The following ACER3 variants were observed in gnomAD, a reference collection of about 807,000 sequenced individuals.
ACER3 encodes the protein alkCDase 3.
In ACER3, 16 loss-of-function variants were observed where a neutral mutation model predicts 48.9. The observed-to-expected ratio is 0.33, with a 90% CI of 0.22 to 0.50. The LOEUF (loss-of-function observed/expected upper bound fraction) is 0.50, where lower values mean the gene tolerates loss of function less well. Ranked by LOEUF, ACER3 falls within the 20% of genes least tolerant of loss-of-function variation. The pLI is 0.98. For synonymous variants in ACER3, 109 were observed against 107.8 expected, an observed-to-expected ratio of 1.01 and a Z score of -0.07; for missense variants, 227 against 326.0, an observed-to-expected ratio of 0.70 and a Z score of 2.34.
At chr11:76,988,294 T>C (rs1233556033) in intron 5 of ACER3, among the ~76,000 whole-genome samples, 2 of 152,210 alleles carry the variant, frequency 1.3e-5, no homozygotes, top group Non-Finnish European at 1.5e-5. Context: ...TATTTACTTG[T>C]TTCCACATTA....
chr11:76,900,251 A>G (rs960534071), intron 1 of ACER3, among the ~76,000 whole-genome samples: 2 of 152,172 alleles, frequency 1.3e-5, no homozygotes, highest in Non-Finnish European at 1.5e-5. Flanking sequence ...ATCATTTCAC[A>G]TTGAGTAAGC....
chr11:76,957,015 A>G (rs1947857973), intron 2 of ACER3, among the ~76,000 whole-genome samples: 1 of 152,176 alleles, frequency 6.6e-6, no homozygotes, highest in African/African-American at 2.4e-5. Flanking sequence ...TTGTTGGGCT[A>G]AGTCCTATGT....
intron 3 of ACER3, among the ~76,000 whole-genome samples, chr11:76,968,680 C>T (rs895779214): frequency 5.3e-5 from 8 of 152,140 alleles, no homozygotes; most frequent in African/African-American, 1.4e-4. Flanking sequence ...CTGAGAAAAA[C>T]AAGAAATGGG....
At chr11:76,963,459 A>C (rs991374448) in intron 3 of ACER3, among the ~76,000 whole-genome samples, 1 of 120,978 alleles carries the variant, frequency 8.3e-6, no homozygotes, top group African/African-American at 2.7e-5. Context: ...TGAGACCACA[A>C]GCTCGGATAA....
chr11:76,993,483 T>A (rs1415695503), intron 6 of ACER3, among the ~76,000 whole-genome samples: 1 of 152,216 alleles, frequency 6.6e-6, no homozygotes, highest in Non-Finnish European at 1.5e-5. Context: ...TATATAAGTC[T>A]TGCGATAAAT....
In ACER3 at chr11:77,022,909, A is replaced by G. The variant is rs1157684919; in HGVS notation, c.*2582A>G. ...AAAAAAAAAGAAAAGAAAAGAAAAT[A>G]TAAGGATGTAAAAGAAGCAATTTGC... On this transcript the variant is annotated 3_prime_UTR_variant, in exon 11 of 11. Transcript: ENST00000532485. 2 of 373,430 alleles carry G rather than the reference A, an allele frequency of 5.4e-6. No individual in the cohort carries two copies. The highest frequency in any genetic ancestry group is 9.5e-6 in the Non-Finnish European group (2 of 211,090). The allele number at this position is 373,430 out of a possible 1,614,324, so 23.1% of individuals were successfully genotyped here.
intron 6 of ACER3, chr11:76,994,251 AC>A (rs1482448027): frequency 2.2e-6 from 1 of 448,298 alleles, no homozygotes; most frequent in Non-Finnish European, 4.4e-6. Flanking sequence ...TGCCTCAGCC[AC>A]CCAGGTAGCT....
intron 4 of ACER3, among the ~76,000 whole-genome samples, chr11:76,977,295 G>A (rs1313042826): frequency 6.6e-6 from 1 of 152,218 alleles, no homozygotes; most frequent in Non-Finnish European, 1.5e-5. Flanking sequence ...TCAAGGAGAG[G>A]TTGGAAGAAC....
At position 77,015,083 on chromosome 11, in the gene ACER3, T is replaced by C. The variant is rs782729734; in HGVS notation, c.565T>C (p.Trp189Arg). 2 of 1,584,092 alleles carry C rather than the reference T, an allele frequency of 1.3e-6. No individual in the cohort carries two copies. Among genetic ancestry groups the C allele is most frequent in the Non-Finnish European group, 8.7e-7 (1 of 1,152,974 alleles). ...TATATTTTTATTGGGATTTTTATTT[T>C]GGAATATAGATAACATATTTTGTGA... ...LGIFLLGFLF[W>R]NIDNIFCESL... is the part of the protein sequence containing the mutation. The change falls in exon 8 of 11, where the codon TGG becomes CGG. Residue 189 changes from tryptophan (W) to arginine (R), a missense_variant. Around this residue, in one of 3 missense-constraint regions of ACER3, gnomAD observed 195 missense variants for 290.8 expected, o/e 0.67. Transcript: ENST00000532485.
intron 1 of ACER3, among the ~76,000 whole-genome samples, chr11:76,865,651 G>A (rs1945063158): frequency 6.6e-6 from 1 of 151,882 alleles, no homozygotes; most frequent in African/African-American, 2.4e-5. Flanking sequence ...TGGGATTACA[G>A]GAGTGCACCA....
intron 1 of ACER3, among the ~76,000 whole-genome samples, chr11:76,899,607 G>A (rs1174415543): frequency 6.6e-6 from 1 of 151,996 alleles, no homozygotes; most frequent in Non-Finnish European, 1.5e-5. Context: ...CAGACTATTA[G>A]GCTTATCTTA....
intron 1 of ACER3, among the ~76,000 whole-genome samples, chr11:76,916,531 C>A (rs1261201312): frequency 1.1e-5 from 1 of 92,510 alleles, no homozygotes; most frequent in Non-Finnish European, 3.2e-5. Context: ...GAGGTTAAAA[C>A]GGTTAAGTGC....
intron 1 of ACER3, chr11:76,868,242 C>T (rs1945145446): frequency 7.8e-7 from 1 of 1,289,356 alleles, no homozygotes; most frequent in Non-Finnish European, 1.0e-6. Context: ...AAGGAAGATG[C>T]TCCTTTCTCT....
chr11:76,978,584 T>G (rs1948503341), intron 4 of ACER3: 1 of 152,340 alleles, frequency 6.6e-6, no homozygotes, highest in African/African-American at 2.4e-5. Context: ...TCTTCCTGGA[T>G]GCAGGACAAG....
chr11:76,978,765 T>C (rs1400625028), intron 4 of ACER3: 1 of 154,322 alleles, frequency 6.5e-6, no homozygotes, highest in African/African-American at 2.4e-5. Context: ...TGACACCCTT[T>C]TGGGGGCTTG....
intron 7 of ACER3, among the ~76,000 whole-genome samples, chr11:77,005,556 C>G (rs1555020713): frequency 6.6e-6 from 1 of 152,054 alleles, no homozygotes; most frequent in African/African-American, 2.4e-5. Flanking sequence ...GAAAATGTCT[C>G]AGGGCCATGC....
At chr11:76,920,678 C>T (rs1946663920) in intron 1 of ACER3, among the ~76,000 whole-genome samples, 1 of 151,244 alleles carries the variant, frequency 6.6e-6, no homozygotes, top group African/African-American at 2.4e-5. Flanking sequence ...GCTCTGTCAC[C>T]CAGGCTGCAG....
At chr11:76,969,693 G>C (rs527439295) in intron 3 of ACER3, among the ~76,000 whole-genome samples, 14 of 149,932 alleles carry the variant, frequency 9.3e-5, no homozygotes, top group Non-Finnish European at 1.9e-4. Context: ...ACTATCACAA[G>C]GACAAAAAAC....
chr11:76,894,082 A>C (rs546780351), intron 1 of ACER3, among the ~76,000 whole-genome samples: 1 of 152,240 alleles, frequency 6.6e-6, no homozygotes, highest in Admixed American at 6.5e-5. Context: ...CTTGAGCCCA[A>C]GAGTTCAAGA....
Sources: gnomAD v4.1 joint callset for allele counts (sites outside exome capture counted in the v4.1 genomes callset) on GRCh38, gnomAD v4.1.1 for gene constraint, gnomAD v4.1.1 regional missense constraint, MANE v1.5 for transcripts, NCBI Gene and HGNC (gene_info 2026-07-23, HGNC 2026-07-21) for gene names.